SLC22A11: variants seen among roughly 807,000 people sequenced by gnomAD.
The protein encoded by SLC22A11 is organic anion transporter 4.
SLC22A11 carries 42 observed loss-of-function variants against 49.4 expected under a neutral mutation model. The observed-to-expected ratio is 0.85, with a 90% confidence interval of 0.66 to 1.10. The LOEUF (loss-of-function observed/expected upper bound fraction) is 1.10. Among genes scored for constraint, SLC22A11 ranks in the 50% least tolerant of loss-of-function variants. The pLI, the probability that SLC22A11 is intolerant of heterozygous loss-of-function variation, is 0.00. For missense variants in SLC22A11, 685 were observed against 731.6 expected, an observed-to-expected ratio of 0.94 and a Z score of 0.74; for synonymous variants, 304 against 315.8, an observed-to-expected ratio of 0.96 and a Z score of 0.40.
chr11:64,564,285 G>T lies in SLC22A11; in HGVS notation c.822-23G>T. 4 of 1,613,736 alleles carry T rather than the reference G, an allele frequency of 2.5e-6. No individual in the cohort carries two copies. Among genetic ancestry groups the T allele is most frequent in the South Asian group, 1.1e-5 (1 of 91,064 alleles). On this transcript the variant is annotated intron_variant, in intron 4 of 9. Transcript: ENST00000301891. The surrounding 1 kb of genome is among the most constrained non-coding windows in gnomAD (Gnocchi z 4.2). ...GGGGAGAGCCCAGCGTGCACTCCCA[G>T]CTACACACCTGCCTCCTTACAGGTG...
Position 64,564,384 on chromosome 11 carries a change from G to A in SLC22A11, c.898G>A (p.Ala300Thr), listed in dbSNP as rs757622163. The change falls in exon 5 of 10, where the codon GCC (alanine) becomes ACC (threonine). Residue 300 changes from alanine to threonine, a missense_variant. By Grantham distance (58) the Ala-to-Thr change is moderately conservative. Transcript: ENST00000301891. The surrounding 1 kb of genome is among the most constrained non-coding windows in gnomAD (Gnocchi z 4.2). ...DQALQELRKVARINGHKEAKN... is the reference protein window; with the variant it reads ...DQALQELRKVTRINGHKEAKN... ...AGCACTTCAGGAGCTCAGAAAGGTG[G>A]CCAGGATAAATGGCCACAAGGAGGC... The A allele has an allele frequency of 6.2e-7, 1 of 1,614,116 alleles. No homozygotes were observed. Among genetic ancestry groups the A allele is most frequent in the South Asian group, 1.1e-5 (1 of 91,084 alleles).
In SLC22A11 at chr11:64,559,125, C is replaced by G. The variant is rs1194279836; in HGVS notation, c.394-10C>G. 2 of 1,610,284 alleles carry G rather than the reference C, an allele frequency of 1.2e-6. No individual in the cohort carries two copies. The highest frequency in any genetic ancestry group is 4.5e-5 in the East Asian group (2 of 44,842). Reference sequence around the variant, plus strand: ...CCCCCGAGCTGAGCCACTGCACCCTCCTCTTGCAGTGGGACCTGGTGTGCA... The same window carrying G: ...CCCCCGAGCTGAGCCACTGCACCCTGCTCTTGCAGTGGGACCTGGTGTGCA... On this transcript the variant is annotated splice_polypyrimidine_tract_variant and intron_variant, in intron 1 of 9. Transcript: ENST00000301891.
At chr11:64,567,546 G>A (rs1020777332) in intron 6 of SLC22A11, 53 bp from the exon 7 acceptor site, 9 of 1,552,246 alleles carry the variant, frequency 5.8e-6, no homozygotes, top group Admixed American at 3.4e-5. Flanking sequence ...TGTTGCTGTT[G>A]GGGTGCCCTC....
At position 64,571,954 on chromosome 11, in the gene SLC22A11, T is replaced by C. The variant is rs899068265; in HGVS notation, c.*912T>C. 5.3e-5 allele frequency: 8 copies of C among 152,254 alleles called. No homozygotes were observed. Among genetic ancestry groups the C allele is most frequent in the African/African-American group, 1.9e-4 (8 of 41,464 alleles). 9.4% of individuals were successfully genotyped at this position (152,254 alleles called of 1,614,324 possible). A position where few individuals can be genotyped will look rare whatever the true frequency, so the allele number is the denominator to read the frequency against. On this transcript the variant is annotated 3_prime_UTR_variant, in exon 10 of 10. Coordinates refer to ENST00000301891, the MANE Select transcript of SLC22A11 (RefSeq NM_018484.4). ...CAGCTTGTTTCATCATGCTGCAGGC[T>C]GGCGAGAAACGGAGCCTTACAAGCG...
In SLC22A11 at chr11:64,571,028, A is replaced by G; in HGVS notation, c.1639A>G (p.Ser547Gly). 2 of 1,614,252 alleles carry G rather than the reference A, an allele frequency of 1.2e-6. No homozygotes were observed. The highest frequency in any genetic ancestry group is 1.3e-5 in the African/African-American group (1 of 75,074). The change falls in exon 10 of 10, where the codon AGT becomes GGT. Residue 547 changes from serine (S) to glycine (G), a missense_variant. Physicochemically the swap from Ser to Gly is moderately conservative, Grantham distance 56. Transcript: ENST00000301891. ...GNRQEAVTVESTSL is the reference protein window; with the variant it reads ...GNRQEAVTVEGTSL Reference sequence around the variant, plus strand: ...CCGGCAAGAGGCCGTCACTGTGGAAAGTACCTCGCTCTAGAAATTGTGCCT... The same window carrying G: ...CCGGCAAGAGGCCGTCACTGTGGAAGGTACCTCGCTCTAGAAATTGTGCCT...
intron 1 of SLC22A11, among the ~76,000 whole-genome samples, chr11:64,557,568 G>A (rs2038479532): frequency 6.6e-6 from 1 of 152,020 alleles, no homozygotes; most frequent in Non-Finnish European, 1.5e-5. Context: ...TCTGCGCACA[G>A]GTGCTGAGGG....
At chr11:64,558,049 C>T (rs113619702) in intron 1 of SLC22A11, among the ~76,000 whole-genome samples, 12,874 of 152,098 alleles carry the variant, frequency 0.085, 1,803 homozygotes, top group African/African-American at 0.29. Flanking sequence ...CCACCCGCCT[C>T]GGCCTCCCAA....
At chr11:64,561,784 T>G (rs2038548309) in intron 2 of SLC22A11, among the ~76,000 whole-genome samples, 1 of 151,980 alleles carries the variant, frequency 6.6e-6, no homozygotes, top group Non-Finnish European at 1.5e-5. Flanking sequence ...AAACCCCATG[T>G]TCTTAAACAC....
In SLC22A11 at chr11:64,564,219, C is replaced by A; in HGVS notation, c.822-89C>A. 6.6e-7 allele frequency: 1 copy of A among 1,524,098 alleles called. No individual in the cohort carries two copies. 94.4% of individuals were successfully genotyped at this position (1,524,098 alleles called of 1,614,324 possible). On this transcript the variant is annotated intron_variant, in intron 4 of 9. Transcript: ENST00000301891. The surrounding 1 kb of genome is among the most constrained non-coding windows in gnomAD (Gnocchi z 4.2). Reference sequence around the variant, plus strand: ...TGTGCTTCCTCATCACTCATCTCAGCTGGAGGGTCCGTGCCCACTGCCCCT... The same window carrying A: ...TGTGCTTCCTCATCACTCATCTCAGATGGAGGGTCCGTGCCCACTGCCCCT...
In SLC22A11 at chr11:64,565,445, C is replaced by CAAGG. The variant is rs1053511760; in HGVS notation, c.1058+109_1058+112dup. ...CAGGGGAAACAGCACCCGCAGGCCT[C>CAAGG]AAGGGGGTGCATTTCTGTCTGGGAC... On this transcript the variant is annotated intron_variant, in intron 6 of 9. Transcript: ENST00000301891. This position sits in a 1 kb window ranked among gnomAD's most constrained non-coding sequence, Gnocchi z 4.1. The CAAGG allele has an allele frequency of 2.3e-6, 2 of 876,214 alleles. No homozygotes were observed. Among genetic ancestry groups the CAAGG allele is most frequent in the Non-Finnish European group, 3.7e-6 (2 of 546,018 alleles). The allele number at this position is 876,214 out of a possible 1,614,324, so 54.3% of individuals were successfully genotyped here.
At position 64,556,412 on chromosome 11, in the gene SLC22A11, C is replaced by T. The variant is rs893606582; in HGVS notation, c.393+20C>T. The T allele has an allele frequency of 1.9e-6, 3 of 1,606,658 alleles. No individual in the cohort carries two copies. The highest frequency in any genetic ancestry group is 2.5e-6 in the Non-Finnish European group (3 of 1,179,704). ...GCCAAGGTAGGGCCTCCCCCAGAGC[C>T]ACTCGAGTCCCGTCACCTTGGAGGT... On this transcript the variant is annotated intron_variant, in intron 1 of 9. Transcript: ENST00000301891.
In SLC22A11 at chr11:64,568,689, G is replaced by T; in HGVS notation, c.1293G>T (p.Val431=). The change falls in exon 8 of 10, where the codon GTG becomes GTT. Residue 431 remains valine, a synonymous_variant. Coordinates refer to ENST00000301891, the MANE Select transcript of SLC22A11 (RefSeq NM_018484.4). ...ACCCAGATTTGCAGACCCTGCGTGT[G>T]GTCTTTGCTGTGCTGGGAAAGGGAT... The part of the protein sequence containing the change: ...LVPQDLQTLR[V]VFAVLGKGCF... 6.2e-7 allele frequency: 1 copy of T among 1,614,122 alleles called. No individual in the cohort carries two copies. Among genetic ancestry groups the T allele is most frequent in the Non-Finnish European group, 8.5e-7 (1 of 1,180,008 alleles).
chr11:64,563,610 T>TGAAAAAAAAA (rs2038580887), intron 4 of SLC22A11, among the ~76,000 whole-genome samples: 1 of 43,842 alleles, frequency 2.3e-5, no homozygotes, highest in Non-Finnish European at 3.8e-5. Flanking sequence ...TTAAATGTGC[T>TGAAAAAAAAA]AAAAAAAAAA....
At position 64,558,978 on chromosome 11, in the gene SLC22A11, T is replaced by C. The variant is rs536006999; in HGVS notation, c.394-157T>C. Among the ~76,000 whole-genome samples, 5 of 152,218 alleles carry C rather than the reference T, an allele frequency of 3.3e-5. 1 individual carries two copies. The South Asian group carries it at 1.0e-3, about 32-fold the overall frequency. ...TTCTGTCCTGCAGCTGAGCTTCCCA[T>C]GGGGAGTTGCAGCCCCATGGCCAGC... On this transcript the variant is annotated intron_variant, in intron 1 of 9. Transcript: ENST00000301891.
chr11:64,567,893 C>G, intron 7 of SLC22A11, 80 bp downstream of exon 7: 1 of 1,406,556 alleles, frequency 7.1e-7, no homozygotes, highest in South Asian at 1.3e-5. Context: ...GGCCACATCC[C>G]CTCCCTGGCC....
In SLC22A11 at chr11:64,568,733, C is replaced by A; in HGVS notation, c.1337C>A (p.Thr446Asn). 1 of 1,614,194 alleles carries A rather than the reference C, an allele frequency of 6.2e-7. No homozygotes were observed. The highest frequency in any genetic ancestry group is 8.5e-7 in the Non-Finnish European group (1 of 1,180,040). ...LGKGCFGISL[T>N]CLTIYKAELF... ...AAGGGATGTTTTGGGATAAGCCTAA[C>A]CTGCCTCACCATCTACAAGGCTGAA... The change falls in exon 8 of 10, where the codon ACC becomes AAC. Residue 446 changes from threonine (T) to asparagine (N), a missense_variant. Transcript: ENST00000301891.
At chr11:64,568,632 C>T in intron 7 of SLC22A11, 38 bp from the exon 8 acceptor site, 1 of 1,576,736 alleles carries the variant, frequency 6.3e-7, no homozygotes, top group South Asian at 1.1e-5. Context: ...GGGTACCCTC[C>T]AGGGCAAACC....
Position 64,564,464 on chromosome 11 carries a change from C to G in SLC22A11, c.942+36C>G. ...GCTGTCTGCGAGACTTGACCTGGGA[C>G]AGGACGTGCACTGAGGGATCATCCG... is the stretch of plus-strand genomic sequence containing the variant. On this transcript the variant is annotated intron_variant, in intron 5 of 9. Transcript: ENST00000301891. The surrounding 1 kb of genome is among the most constrained non-coding windows in gnomAD (Gnocchi z 4.2). 1 of 1,610,864 alleles carries G rather than the reference C, an allele frequency of 6.2e-7. No individual in the cohort carries two copies. The highest frequency in any genetic ancestry group is 8.5e-7 in the Non-Finnish European group (1 of 1,178,270).
intron 2 of SLC22A11, among the ~76,000 whole-genome samples, chr11:64,559,461 GGGA>G: frequency 6.7e-6 from 1 of 150,054 alleles, no homozygotes; most frequent in East Asian, 1.9e-4. Context: ...TCCCCTCACA[GGGA>G]GGCCACCCCA....
Sources: gnomAD v4.1 joint callset for allele counts (sites outside exome capture counted in the v4.1 genomes callset) on GRCh38, gnomAD v4.1.1 for gene constraint, Gnocchi (gnomAD v3.1) non-coding constraint, MANE v1.5 for transcripts, NCBI Gene and HGNC (gene_info 2026-07-23, HGNC 2026-07-21) for gene names.